ATP13A3: variants seen among roughly 807,000 people sequenced by gnomAD.
The protein encoded by ATP13A3 is polyamine-transporting ATPase 13A3.
A neutral mutation model predicts 158.1 loss-of-function variants in ATP13A3; 59 were observed. The ratio of observed to expected loss-of-function variants is 0.37; its 90% CI spans 0.30 to 0.46. ATP13A3 has a LOEUF of 0.46. ATP13A3 is among the 20% of genes least tolerant of loss of function. The probability of loss-of-function intolerance (pLI) is 1.00; values close to 1 mark genes in which losing one functional copy is unlikely to be tolerated. For missense variants in ATP13A3, 1,166 were observed against 1,525.2 expected (o/e 0.76, Z 3.92); for synonymous variants, 491 against 504.3 (o/e 0.97, Z 0.35).
chr3:194,433,657 G>A, intron 21 of ATP13A3, 115 bp downstream of exon 21: 4 of 1,316,320 alleles, frequency 3.0e-6, no homozygotes, highest in Non-Finnish European at 4.1e-6. Flanking sequence ...GAGAACTTAG[G>A]TTGAAACCAC....
At chr3:194,419,767 T>C in intron 31 of ATP13A3, 112 bp downstream of exon 31, 3 of 1,449,750 alleles carry the variant, frequency 2.1e-6, no homozygotes, top group Non-Finnish European at 2.7e-6. Flanking sequence ...TAGAGTATCT[T>C]TGGGTTAATA....
chr3:194,427,170 A>G lies in ATP13A3; in HGVS notation c.3030T>C (p.Val1010=), dbSNP rs1472675882. ...GLISGALLFS[V]LSQIIICIGF... is the part of the protein sequence containing the mutation. ...CAATGCAGATGATAATCTGAGACAAAACGGAGAAGAGAAGGGCCCCAGATA... is the reference window on the plus strand; with the variant it reads ...CAATGCAGATGATAATCTGAGACAAGACGGAGAAGAGAAGGGCCCCAGATA... The change falls in exon 29 of 34, where the codon GTT becomes GTC. Residue 1010 remains valine, a synonymous_variant. Transcript: ENST00000645319. The G allele has an allele frequency of 6.2e-7, 1 of 1,613,792 alleles. No homozygotes were observed. The highest frequency in any genetic ancestry group is 1.3e-5 in the African/African-American group (1 of 74,984).
At chr3:194,440,498 G>A (rs1003067226) in intron 16 of ATP13A3, among the ~76,000 whole-genome samples, 1 of 152,166 alleles carries the variant, frequency 6.6e-6, no homozygotes, top group African/African-American at 2.4e-5. Flanking sequence ...CAGACACAGA[G>A]CAAGCACCAT....
At chr3:194,459,584 A>T (rs776799041) in intron 5 of ATP13A3, 43 bp from the exon 6 acceptor site, 1 of 1,475,368 alleles carries the variant, frequency 6.8e-7, no homozygotes, top group Non-Finnish European at 9.5e-7. Flanking sequence ...GCATATAATC[A>T]CTTGTGATAT....
chr3:194,414,373 G>C (rs1275181399), intron 31 of ATP13A3, among the ~76,000 whole-genome samples: 2 of 151,250 alleles, frequency 1.3e-5, no homozygotes, highest in African/African-American at 4.9e-5. Flanking sequence ...TGAGCCACGA[G>C]AATCACTTGA....
intron 2 of ATP13A3, among the ~76,000 whole-genome samples, chr3:194,483,288 G>A (rs1319034748): frequency 2.0e-5 from 3 of 148,818 alleles, no homozygotes; most frequent in Non-Finnish European, 3.0e-5. Flanking sequence ...TTTCTCTGGG[G>A]GGAAAAAAAA....
intron 31 of ATP13A3, among the ~76,000 whole-genome samples, chr3:194,417,218 C>T (rs1487333971): frequency 6.6e-6 from 1 of 152,052 alleles, no homozygotes; most frequent in Non-Finnish European, 1.5e-5. Context: ...GTCAAGAGTT[C>T]AAGACAAGCC....
chr3:194,453,617 T>G, intron 10 of ATP13A3, 89 bp downstream of exon 10: 1 of 955,266 alleles, frequency 1.0e-6, no homozygotes, highest in East Asian at 2.5e-5. Flanking sequence ...AATCAAAGAA[T>G]GTATATGTAT....
chr3:194,460,587 C>T lies in ATP13A3; in HGVS notation c.225+71G>A, dbSNP rs542826571. The T allele has an allele frequency of 4.4e-5, 64 of 1,452,348 alleles. No homozygotes were observed. In the South Asian group the frequency reaches 7.1e-4, roughly 16 times the overall value. 90.0% of individuals were successfully genotyped at this position (1,452,348 alleles called of 1,614,324 possible). A position where few individuals can be genotyped will look rare whatever the true frequency, so the allele number is the denominator to read the frequency against. ...GCGATGTTCCCTTCATCTATTATTTCGAATAAAGTATACACAAAGACATTG... is the reference window on the plus strand; with the variant it reads ...GCGATGTTCCCTTCATCTATTATTTTGAATAAAGTATACACAAAGACATTG... On this transcript the variant is annotated intron_variant, in intron 4 of 33. Transcript: ENST00000645319.
intron 30 of ATP13A3, among the ~76,000 whole-genome samples, chr3:194,421,124 ATATATATATATAG>A (rs1386085605): frequency 1.1e-4 from 8 of 70,564 alleles, no homozygotes; most frequent in Admixed American, 1.6e-4. Context: ...GTATATATAT[ATATATATATATAG>A]TATATATATA....
chr3:194,483,064 G>T (rs1254597127), intron 2 of ATP13A3, among the ~76,000 whole-genome samples: 1 of 148,960 alleles, frequency 6.7e-6, no homozygotes, highest in Non-Finnish European at 1.5e-5. Context: ...CGGAGATCGC[G>T]CCTCTGCACT....
chr3:194,461,468 C>T (rs1719656784), intron 3 of ATP13A3, among the ~76,000 whole-genome samples: 1 of 152,158 alleles, frequency 6.6e-6, no homozygotes, highest in South Asian at 2.1e-4. Flanking sequence ...TTTTAATCTA[C>T]TATTTCCCAA....
intron 8 of ATP13A3, among the ~76,000 whole-genome samples, chr3:194,455,501 A>G (rs1455430671): frequency 6.6e-6 from 1 of 152,208 alleles, no homozygotes; most frequent in Admixed American, 6.5e-5. Flanking sequence ...AGGTCTTCCA[A>G]TTCCTAATCA....
chr3:194,459,356 T>C (rs1317496871), intron 6 of ATP13A3, 115 bp downstream of exon 6: 10 of 751,844 alleles, frequency 1.3e-5, no homozygotes, highest in East Asian at 5.4e-5. Flanking sequence ...AATACGTGAA[T>C]AGAAATTATA....
At chr3:194,458,355 AT>A (rs57976870) in intron 6 of ATP13A3, among the ~76,000 whole-genome samples, 8 of 144,168 alleles carry the variant, frequency 5.5e-5, no homozygotes, top group South Asian at 2.1e-4. Context: ...AAAAAAAAAA[AT>A]TTTTTTTTTA....
At chr3:194,463,289 CT>C (rs34171479) in intron 2 of ATP13A3, among the ~76,000 whole-genome samples, 8,099 of 137,938 alleles carry the variant, frequency 0.059, 332 homozygotes, top group African/African-American at 0.14. Context: ...CATATTTTTC[CT>C]TTTTTTTTTT....
At chr3:194,490,413 G>C (rs867357351), upstream of ATP13A3, among the ~76,000 whole-genome samples, 1 of 152,202 alleles carries the variant, frequency 6.6e-6, no homozygotes, top group Admixed American at 6.5e-5. This position sits in a 1 kb window ranked among gnomAD's most constrained non-coding sequence, Gnocchi z 4.4. Flanking sequence ...TCAGCAGCAT[G>C]CATCTCCTAT....
Position 194,459,534 on chromosome 3 carries a change from T to A in ATP13A3, c.416A>T (p.Tyr139Phe), listed in dbSNP as rs1287765523. ...ATATTTTACACTATGGTGGGTGAAATAACGAATCTGTGGAACACAAATAAA... is the reference window on the plus strand; with the variant it reads ...ATATTTTACACTATGGTGGGTGAAAAAACGAATCTGTGGAACACAAATAAA... ...YSQTESQQIR[Y>F]FTHHSVKYFW... The change falls in exon 6 of 34, where the codon TAT (tyrosine) becomes TTT (phenylalanine). Residue 139 changes from tyrosine (Y) to phenylalanine (F), a missense_variant. Tyr to Phe is a conservative substitution (Grantham distance 22, BLOSUM62 3). Transcript: ENST00000645319. 2 of 1,604,104 alleles carry A rather than the reference T, an allele frequency of 1.2e-6. No individual in the cohort carries two copies. The highest frequency in any genetic ancestry group is 1.7e-6 in the Non-Finnish European group (2 of 1,171,742).
chr3:194,472,667 A>G (rs1405679517), intron 2 of ATP13A3, among the ~76,000 whole-genome samples: 1 of 152,222 alleles, frequency 6.6e-6, no homozygotes, highest in Admixed American at 6.5e-5. Flanking sequence ...AAAGGAAAAT[A>G]AATCGTTCTA....
Sources: allele counts gnomAD v4.1 joint callset (sites outside exome capture counted in the v4.1 genomes callset), GRCh38; gene constraint gnomAD v4.1.1; non-coding constraint Gnocchi (gnomAD v3.1); transcripts MANE v1.5; gene names NCBI Gene and HGNC (gene_info 2026-07-23, HGNC 2026-07-21).